The following MTMR7 variants were observed in gnomAD, a reference collection of about 807,000 sequenced individuals.
The protein encoded by MTMR7 is phosphatidylinositol-3-phosphate phosphatase MTMR7.
A neutral mutation model predicts 81.2 loss-of-function variants in MTMR7; 76 were observed. That is an observed-to-expected ratio of 0.94 (90% CI 0.78 to 1.13). MTMR7 has a LOEUF of 1.13. MTMR7 is among the 50% of genes most tolerant of loss of function. The probability of loss-of-function intolerance (pLI) is 0.00; values close to 1 mark genes in which losing one functional copy is unlikely to be tolerated. For missense variants in MTMR7, 1,044 were observed against 820.0 expected (o/e 1.27, Z -3.34); for synonymous variants, 372 against 289.8 (o/e 1.28, Z -2.88).
chr8:17,395,630 A>C (rs778793989), intron 1 of MTMR7, among the ~76,000 whole-genome samples: 3 of 152,156 alleles, frequency 2.0e-5, no homozygotes, highest in Non-Finnish European at 4.4e-5. Context: ...AATGGGTATA[A>C]AGTGGTATCT....
intron 6 of MTMR7, among the ~76,000 whole-genome samples, chr8:17,339,761 C>A (rs1434082643): frequency 6.6e-6 from 1 of 152,142 alleles, no homozygotes. Context: ...GGTTATATAC[C>A]TAGGAAGGAA....
At chr8:17,407,525 G>A (rs1421330975) in intron 1 of MTMR7, among the ~76,000 whole-genome samples, 1 of 151,784 alleles carries the variant, frequency 6.6e-6, no homozygotes, top group African/African-American at 2.4e-5. Context: ...ATAATAATGA[G>A]ATGTTCATCA....
chr8:17,297,887 C>A lies in MTMR7; in HGVS notation c.*1975G>T, dbSNP rs948759299. The A allele has an allele frequency of 4.6e-5, 7 of 151,948 alleles. No individual in the cohort carries two copies. The highest frequency in any genetic ancestry group is 1.2e-4 in the African/African-American group (5 of 41,416). The allele number at this position is 151,948 out of a possible 1,614,324, so 9.4% of individuals were successfully genotyped here. A position where few individuals can be genotyped will look rare whatever the true frequency, so the allele number is the denominator to read the frequency against. On this transcript the variant is annotated 3_prime_UTR_variant, in exon 14 of 14. Transcript: ENST00000180173. ...GAACATGTTACATAAATTATAATGT[C>A]TGTCTTGTAAAAAAGTTGAGGGGAC... is the stretch of plus-strand genomic sequence containing the variant.
At position 17,371,101 on chromosome 8, in the gene MTMR7, G is replaced by A; in HGVS notation, c.246C>T (p.Leu82=). 6.2e-7 allele frequency: 1 copy of A among 1,614,196 alleles called. No homozygotes were observed. Among genetic ancestry groups the A allele is most frequent in the Non-Finnish European group, 8.5e-7 (1 of 1,180,038 alleles). ...GGCAATCTCTTTCCTGAGGTATGAT[G>A]AGCTGTATTATCTGAAAGTTCTTGC... ...IRCKNFQIIQ[L]IIPQERDCHD... Residue 82 remains leucine, a synonymous_variant, in exon 3 of 14, where the codon CTC becomes CTT. Transcript: ENST00000180173.
At chr8:17,344,999 G>C (rs1819508542) in intron 5 of MTMR7, among the ~76,000 whole-genome samples, 1 of 151,988 alleles carries the variant, frequency 6.6e-6, no homozygotes, top group African/African-American at 2.4e-5. Flanking sequence ...AAGAACAAAG[G>C]CTATAGCAAT....
chr8:17,343,984 T>A (rs1819479723), intron 5 of MTMR7, among the ~76,000 whole-genome samples: 1 of 152,202 alleles, frequency 6.6e-6, no homozygotes. Context: ...TAGCGCTCAT[T>A]TACAATGCTA....
At chr8:17,303,459 A>C (rs1290935172) in intron 12 of MTMR7, among the ~76,000 whole-genome samples, 1 of 152,148 alleles carries the variant, frequency 6.6e-6, no homozygotes, top group Non-Finnish European at 1.5e-5. Context: ...TTTATTCTGC[A>C]TGAGTCTTTT....
chr8:17,323,650 G>C (rs1157960780), intron 7 of MTMR7, among the ~76,000 whole-genome samples: 1 of 152,078 alleles, frequency 6.6e-6, no homozygotes, highest in African/African-American at 2.4e-5. Flanking sequence ...GGCCGCAGGG[G>C]TGGGGGGTCA....
At chr8:17,405,451 C>A (rs1821550063) in intron 1 of MTMR7, among the ~76,000 whole-genome samples, 1 of 152,146 alleles carries the variant, frequency 6.6e-6, no homozygotes, top group Admixed American at 6.5e-5. Context: ...CAGAGCAGGG[C>A]TCTGAGTCCT....
At chr8:17,402,206 T>G (rs1049909943) in intron 1 of MTMR7, among the ~76,000 whole-genome samples, 6 of 152,180 alleles carry the variant, frequency 3.9e-5, no homozygotes, top group African/African-American at 1.2e-4. Flanking sequence ...AAATGGGGTA[T>G]CTAGCTCCTG....
At chr8:17,318,766 C>T (rs1183541049) in intron 7 of MTMR7, among the ~76,000 whole-genome samples, 2 of 152,210 alleles carry the variant, frequency 1.3e-5, no homozygotes, top group Non-Finnish European at 1.5e-5. Flanking sequence ...CCTCACTCCC[C>T]TGCCTCTGAT....
Position 17,329,582 on chromosome 8 carries a change from A to G in MTMR7, c.865+1568T>C, listed in dbSNP as rs147580054. Among the ~76,000 whole-genome samples the G allele has an allele frequency of 4.3e-3, 660 of 152,324 alleles. 5 individuals are homozygous for G. The highest frequency in any genetic ancestry group is 0.015 in the African/African-American group (629 of 41,582). ...TATGCTATCAGCACTGGTAGGAGCAATTTTCTGCAAAGAAGAATATTTATG... is the reference window on the plus strand; with the variant it reads ...TATGCTATCAGCACTGGTAGGAGCAGTTTTCTGCAAAGAAGAATATTTATG... On this transcript the variant is annotated intron_variant, in intron 7 of 13. Transcript: ENST00000180173.
intron 3 of MTMR7, among the ~76,000 whole-genome samples, chr8:17,364,837 T>G (rs544733236): frequency 6.6e-6 from 1 of 152,372 alleles, no homozygotes; most frequent in South Asian, 2.1e-4. Flanking sequence ...TTAAGTTGAT[T>G]CCACAACGTG....
intron 1 of MTMR7, among the ~76,000 whole-genome samples, chr8:17,389,989 T>C (rs1563375059): frequency 6.6e-6 from 1 of 151,172 alleles, no homozygotes; most frequent in Non-Finnish European, 1.5e-5. Context: ...TGGGGGCACA[T>C]GAATTGGGAA....
chr8:17,391,041 G>C lies in MTMR7; in HGVS notation c.25-17801C>G, dbSNP rs560056445. 3.3e-5 allele frequency among the ~76,000 whole-genome samples: 5 copies of C among 152,286 alleles called. No individual in the cohort carries two copies. The East Asian group carries it at 9.7e-4, about 29-fold the overall frequency. On this transcript the variant is annotated intron_variant, in intron 1 of 13. Coordinates refer to ENST00000180173, the MANE Select transcript of MTMR7 (RefSeq NM_004686.5). ...AGAATGAGTGAGAAAGCCAGCCATG[G>C]GGGTATCTGGGGAGAGCATTCCAGG...
chr8:17,374,553 G>A (rs969307481), intron 1 of MTMR7, among the ~76,000 whole-genome samples: 1 of 152,016 alleles, frequency 6.6e-6, no homozygotes, highest in Non-Finnish European at 1.5e-5. Flanking sequence ...CCCAGGAGGC[G>A]GAGGTTGCAG....
intron 1 of MTMR7, among the ~76,000 whole-genome samples, chr8:17,402,627 A>T (rs1037222629): frequency 6.6e-6 from 1 of 152,152 alleles, no homozygotes; most frequent in African/African-American, 2.4e-5. Context: ...ACTCCATTGT[A>T]TATATGTACT....
intron 1 of MTMR7, among the ~76,000 whole-genome samples, chr8:17,388,887 C>G (rs1324882511): frequency 6.6e-6 from 1 of 152,184 alleles, no homozygotes; most frequent in Non-Finnish European, 1.5e-5. Flanking sequence ...TTCGAAGACC[C>G]CAAGGACAGA....
chr8:17,407,607 A>AG (rs1821625524), intron 1 of MTMR7, among the ~76,000 whole-genome samples: 1 of 152,056 alleles, frequency 6.6e-6, no homozygotes, highest in East Asian at 1.9e-4. Context: ...TTAAAAAAAA[A>AG]AGCCCCACAT....
Sources: allele counts gnomAD v4.1 joint callset (sites outside exome capture counted in the v4.1 genomes callset), GRCh38; gene constraint gnomAD v4.1.1; transcripts MANE v1.5; gene names NCBI Gene and HGNC (gene_info 2026-07-23, HGNC 2026-07-21).